The following FAM13A variants were observed in gnomAD, a reference collection of about 807,000 sequenced individuals.
The protein encoded by FAM13A is protein FAM13A.
In FAM13A, 76 loss-of-function variants were observed where a neutral mutation model predicts 129.6. The observed-to-expected ratio is 0.59, with a 90% CI of 0.49 to 0.71. The LOEUF is 0.71. FAM13A is among the 30% of genes least tolerant of loss of function. The pLI, the probability that FAM13A is intolerant of heterozygous loss-of-function variation, is 0.00. For missense variants in FAM13A, 1,108 were observed against 1,249.3 expected (o/e 0.89, Z 1.70); for synonymous variants, 443 against 449.9 (o/e 0.98, Z 0.20).
chr4:88,810,843 T>C (rs1206659538), intron 7 of FAM13A, among the ~76,000 whole-genome samples: 1 of 152,182 alleles, frequency 6.6e-6, no homozygotes, highest in Non-Finnish European at 1.5e-5. Context: ...TACATACATA[T>C]AAATCAGATA....
rs1412154394 is a variant in FAM13A at position 88,750,521 on chromosome 4, T to C, written c.1843A>G (p.Met615Val). ...TAAGCGTAGAACCGAGGAGAGAGCA[T>C]GGGGTCGCTGTCTTCGTCCAGCAGC... ...RQLLDEDSDP[M>V]LSPRFYAYGQ... The change falls in exon 15 of 24, where the codon ATG becomes GTG. Residue 615 changes from methionine to valine, a missense_variant. Around this residue, in one of 3 missense-constraint regions of FAM13A, gnomAD observed 529 missense variants for 621.2 expected, o/e 0.85. Transcript: ENST00000264344. 1 of 1,614,076 alleles carries C rather than the reference T, an allele frequency of 6.2e-7. No individual in the cohort carries two copies. The highest frequency in any genetic ancestry group is 1.3e-5 in the African/African-American group (1 of 75,004).
chr4:88,927,124 G>GT (rs553861527), intron 5 of FAM13A, among the ~76,000 whole-genome samples: 39 of 151,904 alleles, frequency 2.6e-4, no homozygotes, highest in African/African-American at 7.7e-4. Flanking sequence ...GTCATCTACA[G>GT]TTTTTTTTCC....
At chr4:88,780,327 A>G (rs139816277) in intron 11 of FAM13A, among the ~76,000 whole-genome samples, 1 of 152,198 alleles carries the variant, frequency 6.6e-6, no homozygotes, top group Non-Finnish European at 1.5e-5. Flanking sequence ...CACAGCATGG[A>G]GCTAAAAACT....
At chr4:89,041,473 T>C (rs1560923523) in intron 1 of FAM13A, among the ~76,000 whole-genome samples, 1 of 152,218 alleles carries the variant, frequency 6.6e-6, no homozygotes, top group Non-Finnish European at 1.5e-5. Context: ...AGCAGTAGGA[T>C]ATAAATAACT....
At chr4:88,906,501 A>G (rs1748193439) in intron 5 of FAM13A, 39 bp from the exon 6 acceptor site, 1 of 1,416,942 alleles carries the variant, frequency 7.1e-7, no homozygotes, top group Non-Finnish European at 9.8e-7. Context: ...GAGATTAAAG[A>G]ACACTTACCC....
chr4:88,958,605 G>A (rs1231263467), intron 4 of FAM13A, among the ~76,000 whole-genome samples: 2 of 152,256 alleles, frequency 1.3e-5, no homozygotes, highest in Non-Finnish European at 2.9e-5. Context: ...GTCAGAGGAT[G>A]CATGAGAAAG....
At chr4:89,043,645 T>C (rs956001314) in intron 1 of FAM13A, among the ~76,000 whole-genome samples, 1 of 151,808 alleles carries the variant, frequency 6.6e-6, no homozygotes, top group African/African-American at 2.4e-5. Context: ...ATCAGAAAAA[T>C]GCTGCCAAGA....
chr4:88,901,297 T>C (rs1446364871), intron 6 of FAM13A, among the ~76,000 whole-genome samples: 3 of 152,156 alleles, frequency 2.0e-5, no homozygotes, highest in Non-Finnish European at 4.4e-5. Flanking sequence ...GCAGACCTGA[T>C]AGATACCTAC....
chr4:88,731,787 T>C (rs1191541311), intron 22 of FAM13A: 1 of 532,616 alleles, frequency 1.9e-6, no homozygotes, highest in East Asian at 3.0e-5. Context: ...AGAGAACTTC[T>C]GGTTGTTTAA....
intron 5 of FAM13A, among the ~76,000 whole-genome samples, chr4:88,928,505 T>C (rs369301739): frequency 6.6e-6 from 1 of 152,130 alleles, no homozygotes; most frequent in Non-Finnish European, 1.5e-5. Flanking sequence ...CAGGGTAGGG[T>C]TCCCAGAGTA....
intron 5 of FAM13A, among the ~76,000 whole-genome samples, chr4:88,922,978 C>T (rs1206606376): frequency 6.6e-6 from 1 of 152,168 alleles, no homozygotes; most frequent in Non-Finnish European, 1.5e-5. Flanking sequence ...TCGACACATA[C>T]ACCATCCCAA....
chr4:88,996,426 G>T (rs1421268808), intron 3 of FAM13A, among the ~76,000 whole-genome samples: 1 of 152,332 alleles, frequency 6.6e-6, no homozygotes, highest in East Asian at 1.9e-4. Context: ...ATGGTTAGAC[G>T]TGGGGGCGGA....
At chr4:88,875,274 A>G (rs942949351) in intron 6 of FAM13A, among the ~76,000 whole-genome samples, 1 of 152,264 alleles carries the variant, frequency 6.6e-6, no homozygotes, top group African/African-American at 2.4e-5. Flanking sequence ...TGGCCACAAA[A>G]GCCGAAATAG....
At chr4:88,828,915 A>G (rs1488083830) in intron 7 of FAM13A, among the ~76,000 whole-genome samples, 1 of 152,244 alleles carries the variant, frequency 6.6e-6, no homozygotes, top group African/African-American at 2.4e-5. Context: ...AGCATTCTAC[A>G]TTATCCAGTT....
chr4:88,776,379 C>A (rs1721719378), intron 11 of FAM13A, among the ~76,000 whole-genome samples: 1 of 152,036 alleles, frequency 6.6e-6, no homozygotes, highest in South Asian at 2.1e-4. Context: ...ATCTCCTATG[C>A]CTAATTGTCC....
intron 11 of FAM13A, among the ~76,000 whole-genome samples, chr4:88,779,401 T>C (rs901406812): frequency 3.9e-5 from 6 of 152,202 alleles, no homozygotes; most frequent in African/African-American, 1.2e-4. Context: ...GTCTTAATAT[T>C]AGTCGTCGTT....
chr4:88,838,807 G>A (rs1385936540), intron 7 of FAM13A, among the ~76,000 whole-genome samples: 2 of 151,852 alleles, frequency 1.3e-5, no homozygotes, highest in African/African-American at 4.8e-5. Context: ...TGCAGTACTT[G>A]CACTTTTACC....
intron 6 of FAM13A, among the ~76,000 whole-genome samples, chr4:88,868,893 C>T (rs933296134): frequency 3.3e-5 from 5 of 152,210 alleles, no homozygotes; most frequent in Admixed American, 3.3e-4. Context: ...CAAATTCCAT[C>T]CATACACCAA....
At chr4:88,729,343 T>C (rs1424444653) in intron 23 of FAM13A, 1 of 152,138 alleles carries the variant, frequency 6.6e-6, no homozygotes, top group Admixed American at 6.5e-5. Flanking sequence ...GCACAGGAAA[T>C]CAGATAACTT....
Sources: allele counts gnomAD v4.1 joint callset (sites outside exome capture counted in the v4.1 genomes callset), GRCh38; gene constraint gnomAD v4.1.1; regional missense constraint gnomAD v4.1.1; transcripts MANE v1.5; gene names NCBI Gene and HGNC (gene_info 2026-07-23, HGNC 2026-07-21).